NUP98: variants seen among roughly 807,000 people sequenced by gnomAD.
The protein encoded by NUP98 is nuclear pore complex protein Nup98-Nup96.
A neutral mutation model predicts 191.9 loss-of-function variants in NUP98; 26 were observed. The observed-to-expected ratio is 0.14, with a 90% CI of 0.10 to 0.19. The LOEUF (loss-of-function observed/expected upper bound fraction) is 0.19, where lower values mean the gene tolerates loss of function less well. Among genes scored for constraint, NUP98 ranks in the 10% least tolerant of loss-of-function variants. The probability of loss-of-function intolerance (pLI) is 1.00; values close to 1 mark genes in which losing one functional copy is unlikely to be tolerated. For missense variants in NUP98, 1,941 were observed against 2,178.8 expected (o/e 0.89, Z 2.17); for synonymous variants, 808 against 778.4 (o/e 1.04, Z -0.63).
At chr11:3,738,010 T>C (rs1348711572) in intron 12 of NUP98, among the ~76,000 whole-genome samples, 1 of 150,126 alleles carries the variant, frequency 6.7e-6, no homozygotes, top group Admixed American at 6.7e-5. Flanking sequence ...GGACAGGCAA[T>C]TACTCATTTA....
chr11:3,695,345 G>GTA, intron 26 of NUP98, 104 bp downstream of exon 26: 1 of 1,056,428 alleles, frequency 9.5e-7, no homozygotes. Context: ...AACATTTTGT[G>GTA]TAACTGTGCA....
At position 3,702,564 on chromosome 11, in the gene NUP98, A is replaced by G; in HGVS notation, c.3411T>C (p.Ala1137=). The change falls in exon 23 of 33, where the codon GCT becomes GCC. Residue 1137 remains alanine, a synonymous_variant. Coordinates refer to ENST00000324932, the MANE Select transcript of NUP98 (RefSeq NM_016320.5). The part of the protein sequence containing the change: ...RVGWGPNWTL[A]NSGEQLNGSH... Reference sequence around the variant, plus strand: ...AGCCATTCAGCTGTTCTCCACTATTAGCAAGAGTCCAGTTGGGGCCCCAAC... The same window carrying G: ...AGCCATTCAGCTGTTCTCCACTATTGGCAAGAGTCCAGTTGGGGCCCCAAC... 6.2e-7 allele frequency: 1 copy of G among 1,614,146 alleles called. No homozygotes were observed. Among genetic ancestry groups the G allele is most frequent in the Non-Finnish European group, 8.5e-7 (1 of 1,180,026 alleles).
chr11:3,749,457 T>TTTTTTAGTTTTAGA (rs2080656133), intron 11 of NUP98, among the ~76,000 whole-genome samples: 1 of 152,086 alleles, frequency 6.6e-6, no homozygotes, highest in South Asian at 2.1e-4. Flanking sequence ...AAACCCCATC[T>TTTTTTAGTTTTAGA]CTAACTAAAA....
At position 3,686,000 on chromosome 11, in the gene NUP98, A is replaced by T; in HGVS notation, c.4649T>A (p.Phe1550Tyr). The change falls in exon 29 of 33, where the codon TTT becomes TAT. Residue 1550 changes from phenylalanine (F) to tyrosine (Y), a missense_variant. By Grantham distance (22) the Phe-to-Tyr change is conservative. Coordinates refer to ENST00000324932, the MANE Select transcript of NUP98 (RefSeq NM_016320.5). ...TGAGTTGTCAATGTGCAGGAGGACA[A>T]AGATGGCCCACTCCCAGAGCCCCTC... ...ESEGLWEWAI[F>Y]VLLHIDNSGI... The T allele has an allele frequency of 2.5e-6, 4 of 1,614,098 alleles. No individual in the cohort carries two copies. Among genetic ancestry groups the T allele is most frequent in the Non-Finnish European group, 3.4e-6 (4 of 1,180,044 alleles).
intron 13 of NUP98, among the ~76,000 whole-genome samples, chr11:3,732,592 AT>A (rs2079889181): frequency 6.6e-6 from 1 of 152,244 alleles, no homozygotes; most frequent in Non-Finnish European, 1.5e-5. Context: ...AACATTAATA[AT>A]TAAACATTAA....
At chr11:3,770,055 A>C (rs2081474076) in intron 7 of NUP98, among the ~76,000 whole-genome samples, 1 of 150,246 alleles carries the variant, frequency 6.7e-6, no homozygotes, top group South Asian at 2.1e-4. Context: ...AAAAAAAAAA[A>C]ACAATTAGGG....
At position 3,699,262 on chromosome 11, in the gene NUP98, G is replaced by C. The variant is rs1451114537; in HGVS notation, c.3829C>G (p.Arg1277Gly). Residue 1277 changes from arginine (R) to glycine (G), a missense_variant, in exon 25 of 33, where the codon CGT (arginine) becomes GGT (glycine). By Grantham distance (125) the Arg-to-Gly change is moderately radical. Transcript: ENST00000324932. Reference sequence around the variant, plus strand: ...CGCTCCAGAATTTGAATGTATTCACGGGGTTCATTTAGCTGGCTGTCAAGC... The same window carrying C: ...CGCTCCAGAATTTGAATGTATTCACCGGGTTCATTTAGCTGGCTGTCAAGC... The part of the protein sequence containing the change: ...KELDSQLNEP[R>G]EYIQILERRR... The C allele has an allele frequency of 1.2e-6, 2 of 1,614,160 alleles. No homozygotes were observed. The highest frequency in any genetic ancestry group is 1.7e-6 in the Non-Finnish European group (2 of 1,180,034).
At chr11:3,732,833 T>G (rs1345970766) in intron 13 of NUP98, among the ~76,000 whole-genome samples, 1 of 152,228 alleles carries the variant, frequency 6.6e-6, no homozygotes, top group Non-Finnish European at 1.5e-5. Flanking sequence ...CTCTTCCCAG[T>G]GCAAGCTGTT....
At chr11:3,745,344 C>CA (rs1225888954) in intron 11 of NUP98, among the ~76,000 whole-genome samples, 1 of 152,094 alleles carries the variant, frequency 6.6e-6, no homozygotes, top group Middle Eastern at 3.2e-3. Context: ...ACTTGTTTTA[C>CA]AAAAAGCTCA....
Position 3,725,214 on chromosome 11 carries a change from C to A in NUP98, c.1736G>T (p.Ser579Ile). 6.9e-7 allele frequency: 1 copy of A among 1,449,580 alleles called. No homozygotes were observed. The highest frequency in any genetic ancestry group is 9.6e-7 in the Non-Finnish European group (1 of 1,036,378). The allele number at this position is 1,449,580 out of a possible 1,614,324, so 89.8% of individuals were successfully genotyped here. ...GTTCTTCAAAACCAACTTCTTAATG[C>A]TCTTCCTATAAACAAGAAACCAAAA... is the stretch of plus-strand genomic sequence containing the variant. ...LANGAFMPKK[S>I]IKKLVLKNLN... The change falls in exon 15 of 33, where the codon AGC becomes ATC. Residue 579 changes from serine to isoleucine, a missense_variant. By Grantham distance (142) the Ser-to-Ile change is moderately radical (BLOSUM62 -2). Coordinates refer to ENST00000324932, the MANE Select transcript of NUP98 (RefSeq NM_016320.5).
At chr11:3,789,660 C>T (rs1289184823) in intron 1 of NUP98, among the ~76,000 whole-genome samples, 3 of 152,008 alleles carry the variant, frequency 2.0e-5, no homozygotes, top group South Asian at 4.1e-4. Flanking sequence ...AGACCACAGG[C>T]ATGTGCCACT....
At chr11:3,714,905 T>C (rs2079131299) in intron 18 of NUP98, 1 of 152,218 alleles carries the variant, frequency 6.6e-6, no homozygotes, top group African/African-American at 2.4e-5. Flanking sequence ...TCAATGAACA[T>C]TTGGGTGACT....
chr11:3,707,528 A>C (rs1052834264), intron 20 of NUP98, among the ~76,000 whole-genome samples: 1 of 151,798 alleles, frequency 6.6e-6, no homozygotes, highest in African/African-American at 2.4e-5. Context: ...TGGGCAGATC[A>C]CTTGAGGTCA....
At chr11:3,732,371 C>T (rs1050506833) in intron 13 of NUP98, among the ~76,000 whole-genome samples, 2 of 152,220 alleles carry the variant, frequency 1.3e-5, no homozygotes, top group Non-Finnish European at 2.9e-5. Flanking sequence ...AATCATTCTG[C>T]TTTGAAAAAC....
rs571856517 is a variant in NUP98 at position 3,752,126 on chromosome 11, G to A, written c.1267+1190C>T. On this transcript the variant is annotated intron_variant, in intron 11 of 32. Transcript: ENST00000324932. ...GCCACTGCACTCCAGCCTGGGGGACGGAGCAAGACTCCATCTCAAAAAAAA... is the reference window on the plus strand; with the variant it reads ...GCCACTGCACTCCAGCCTGGGGGACAGAGCAAGACTCCATCTCAAAAAAAA... Among the ~76,000 whole-genome samples the A allele has an allele frequency of 1.8e-4, 26 of 145,588 alleles. No individual in the cohort carries two copies. In the East Asian group the frequency reaches 4.8e-3, roughly 27 times the overall value.
chr11:3,769,832 C>A (rs2081466000), intron 7 of NUP98, among the ~76,000 whole-genome samples: 1 of 151,332 alleles, frequency 6.6e-6, no homozygotes, highest in Non-Finnish European at 1.5e-5. Flanking sequence ...ATCATAAGGT[C>A]TGGAGTTCAG....
At chr11:3,750,162 TTC>T (rs1226784439) in intron 11 of NUP98, among the ~76,000 whole-genome samples, 1 of 152,196 alleles carries the variant, frequency 6.6e-6, no homozygotes, top group Non-Finnish European at 1.5e-5. Flanking sequence ...AATGAGACTT[TTC>T]TCTGGAGTGC....
chr11:3,758,630 CA>C (rs1299802773), intron 10 of NUP98, among the ~76,000 whole-genome samples: 1 of 151,958 alleles, frequency 6.6e-6, no homozygotes, highest in East Asian at 1.9e-4. Context: ...ACTTTAAATA[CA>C]AAAATTAGCT....
At chr11:3,754,035 G>A (rs1022045434) in intron 10 of NUP98, among the ~76,000 whole-genome samples, 1 of 152,114 alleles carries the variant, frequency 6.6e-6, no homozygotes, top group Non-Finnish European at 1.5e-5. Flanking sequence ...GAACACACTT[G>A]AGCTTTGGGA....
Sources: gnomAD v4.1 joint callset for allele counts (sites outside exome capture counted in the v4.1 genomes callset) on GRCh38, gnomAD v4.1.1 for gene constraint, MANE v1.5 for transcripts, NCBI Gene and HGNC (gene_info 2026-07-23, HGNC 2026-07-21) for gene names.